Variants in COL25A1 observed in about 807,000 individuals in gnomAD.
COL25A1 encodes the protein collagen alpha-1(XXV) chain.
A neutral mutation model predicts 128.4 loss-of-function variants in COL25A1; 103 were observed. The observed-to-expected ratio is 0.80, with a 90% confidence interval of 0.68 to 0.94. The LOEUF (loss-of-function observed/expected upper bound fraction) is 0.94, where lower values mean the gene tolerates loss of function less well. COL25A1 is among the 40% of genes least tolerant of loss of function. The pLI is 0.00. For missense variants in COL25A1, 745 were observed against 840.0 expected, an observed-to-expected ratio of 0.89 and a Z score of 1.40; for synonymous variants, 279 against 277.2, an observed-to-expected ratio of 1.01 and a Z score of -0.06.
At chr4:109,142,097 G>C (rs1770460940) in intron 3 of COL25A1, among the ~76,000 whole-genome samples, 2 of 152,096 alleles carry the variant, frequency 1.3e-5, no homozygotes, top group African/African-American at 4.8e-5. Flanking sequence ...CACTGCTTTA[G>C]CTGTGTCCCA....
At chr4:109,109,762 T>C (rs2126036491) in intron 3 of COL25A1, among the ~76,000 whole-genome samples, 1 of 152,292 alleles carries the variant, frequency 6.6e-6, no homozygotes, top group East Asian at 1.9e-4. Context: ...GGACTGGCTA[T>C]CTTGCTCCCT....
At chr4:108,904,918 T>A (rs67787717) in intron 13 of COL25A1, among the ~76,000 whole-genome samples, 41,664 of 138,698 alleles carry the variant, frequency 0.3, 6,104 homozygotes, top group African/African-American at 0.38. Flanking sequence ...ATTTTTTTTT[T>A]AAAAAAACAA....
At chr4:109,101,135 T>C (rs747976809) in intron 3 of COL25A1, among the ~76,000 whole-genome samples, 2 of 152,190 alleles carry the variant, frequency 1.3e-5, no homozygotes, top group Non-Finnish European at 2.9e-5. Context: ...GAGAGTATTA[T>C]TGTTGATGTC....
intron 3 of COL25A1, among the ~76,000 whole-genome samples, chr4:109,211,917 T>C (rs899973364): frequency 1.3e-5 from 2 of 152,196 alleles, no homozygotes; most frequent in East Asian, 1.9e-4. Context: ...AGAAAGAATG[T>C]GGGCTTTCAC....
rs555823546 is a variant in COL25A1, at chr4:109,016,312, G to A, written c.421-5937C>T. On this transcript the variant is annotated intron_variant, in intron 5 of 37. Coordinates refer to ENST00000399132, the MANE Select transcript of COL25A1 (RefSeq NM_198721.4). Reference sequence around the variant, plus strand: ...CCCCCTCCAGACTTTAAGTGCCAATGAGCAAAGAATGGAGGCCAGTGGGGC... The same window carrying A: ...CCCCCTCCAGACTTTAAGTGCCAATAAGCAAAGAATGGAGGCCAGTGGGGC... Among the ~76,000 whole-genome samples the A allele has an allele frequency of 8.5e-5, 13 of 152,382 alleles. No homozygotes were observed. In the South Asian group the frequency reaches 2.5e-3, roughly 29 times the overall value.
intron 5 of COL25A1, among the ~76,000 whole-genome samples, chr4:109,031,710 C>T (rs28591337): frequency 0.014 from 2,169 of 152,192 alleles, 35 homozygotes; most frequent in Middle Eastern, 0.037. Flanking sequence ...CAGTCAAAAC[C>T]CTTAGCTCCA....
intron 10 of COL25A1, among the ~76,000 whole-genome samples, chr4:108,939,642 T>C (rs938601173): frequency 1.3e-5 from 2 of 152,126 alleles, no homozygotes; most frequent in African/African-American, 4.8e-5. Context: ...TTCTGCTTCG[T>C]GGATAAATAT....
intron 19 of COL25A1, among the ~76,000 whole-genome samples, chr4:108,878,493 G>C (rs1453286024): frequency 1.3e-5 from 2 of 152,120 alleles, no homozygotes; most frequent in African/African-American, 4.8e-5. Flanking sequence ...CATGATACCT[G>C]CTTTTGAGGA....
intron 11 of COL25A1, among the ~76,000 whole-genome samples, chr4:108,931,677 A>G (rs570943877): frequency 3.7e-4 from 57 of 152,318 alleles, no homozygotes; most frequent in Admixed American, 2.0e-3. Context: ...AACACAGAGC[A>G]GGTCCCCCCA....
chr4:109,237,911 T>C (rs1779580702), intron 3 of COL25A1, among the ~76,000 whole-genome samples: 1 of 152,112 alleles, frequency 6.6e-6, no homozygotes, highest in Non-Finnish European at 1.5e-5. Context: ...TAAAACAATA[T>C]ATTTTTTGTC....
chr4:109,032,845 C>T (rs1200241309), intron 5 of COL25A1, among the ~76,000 whole-genome samples: 1 of 152,180 alleles, frequency 6.6e-6, no homozygotes, highest in Non-Finnish European at 1.5e-5. Flanking sequence ...ACTGTAGCCA[C>T]AGCATGCTCG....
intron 3 of COL25A1, among the ~76,000 whole-genome samples, chr4:109,117,193 T>C (rs761885761): frequency 6.6e-6 from 1 of 152,040 alleles, no homozygotes; most frequent in Non-Finnish European, 1.5e-5. Context: ...CACCTAGGTA[T>C]ACATATCACA....
chr4:109,059,359 A>G (rs1761733936), intron 3 of COL25A1, among the ~76,000 whole-genome samples: 1 of 152,220 alleles, frequency 6.6e-6, no homozygotes, highest in Non-Finnish European at 1.5e-5. Context: ...AAATGCTGAA[A>G]CTAACAATTT....
At chr4:109,238,107 T>G (rs1307396057) in intron 3 of COL25A1, among the ~76,000 whole-genome samples, 3 of 152,120 alleles carry the variant, frequency 2.0e-5, no homozygotes, top group Non-Finnish European at 4.4e-5. Flanking sequence ...ATTGCTAATA[T>G]GTTGCTGTGA....
chr4:109,199,540 T>C (rs74393519), intron 3 of COL25A1, among the ~76,000 whole-genome samples: 1 of 151,336 alleles, frequency 6.6e-6, no homozygotes, highest in Non-Finnish European at 1.5e-5. Flanking sequence ...TATGATATAG[T>C]ATTATTTTCC....
At chr4:109,208,077 C>T (rs1777154758) in intron 3 of COL25A1, among the ~76,000 whole-genome samples, 1 of 152,158 alleles carries the variant, frequency 6.6e-6, no homozygotes, top group South Asian at 2.1e-4. Context: ...CGCATATATA[C>T]GCACTCTGTA....
intron 3 of COL25A1, among the ~76,000 whole-genome samples, chr4:109,101,051 G>A (rs1345346774): frequency 1.3e-5 from 2 of 152,088 alleles, no homozygotes; most frequent in Non-Finnish European, 2.9e-5. Flanking sequence ...ACTTCAAAGG[G>A]GCCTTAGATA....
chr4:109,078,700 G>A (rs1360217932), intron 3 of COL25A1, among the ~76,000 whole-genome samples: 1 of 152,202 alleles, frequency 6.6e-6, no homozygotes, highest in African/African-American at 2.4e-5. Context: ...AAAATCCATA[G>A]GGGAAAAACT....
chr4:109,271,807 T>TAGTGTGATTATGTATA (rs1782215789), intron 3 of COL25A1, among the ~76,000 whole-genome samples: 1 of 152,220 alleles, frequency 6.6e-6, no homozygotes, highest in African/African-American at 2.4e-5. Flanking sequence ...AATTTTATAG[T>TAGTGTGATTATGTATA]ATCACACTAA....
Sources: allele counts gnomAD v4.1 joint callset (sites outside exome capture counted in the v4.1 genomes callset), GRCh38; gene constraint gnomAD v4.1.1; transcripts MANE v1.5; gene names NCBI Gene and HGNC (gene_info 2026-07-23, HGNC 2026-07-21).